The following MSH4 variants were observed in gnomAD, a reference collection of about 807,000 sequenced individuals.
MSH4 encodes the protein mutS homolog 4.
In MSH4, 106 loss-of-function variants were observed where a neutral mutation model predicts 113.7. The ratio of observed to expected loss-of-function variants is 0.93; its 90% CI spans 0.80 to 1.10. MSH4 has a LOEUF of 1.10. Ranked by LOEUF, MSH4 falls within the 50% of genes least tolerant of loss-of-function variation. MSH4 has a pLI of 0.00. For synonymous variants in MSH4, 368 were observed against 380.2 expected, an observed-to-expected ratio of 0.97 and a Z score of 0.37; for missense variants, 1,061 against 1,093.7, an observed-to-expected ratio of 0.97 and a Z score of 0.42.
chr1:75,801,392 CT>C (rs1475404469), intron 1 of MSH4, among the ~76,000 whole-genome samples: 1 of 151,574 alleles, frequency 6.6e-6, no homozygotes, highest in Non-Finnish European at 1.5e-5. Flanking sequence ...TGACAAAACC[CT>C]GTCTCTATTA....
In MSH4 at chr1:75,899,452, C is replaced by T. The variant is rs190540318; in HGVS notation, c.2531-166C>T. Reference sequence around the variant, plus strand: ...TTAAATCTAATAATTGGCAAGTTGTCATCCAGAATTTTAGAAAGCTTAATT... The same window carrying T: ...TTAAATCTAATAATTGGCAAGTTGTTATCCAGAATTTTAGAAAGCTTAATT... On this transcript the variant is annotated intron_variant, in intron 18 of 19. Coordinates refer to ENST00000263187, the MANE Select transcript of MSH4 (RefSeq NM_002440.4). Among the ~76,000 whole-genome samples, 15 of 152,222 alleles carry T rather than the reference C, an allele frequency of 9.9e-5. No homozygotes were observed. The East Asian group carries it at 2.7e-3, about 27-fold the overall frequency.
chr1:75,825,755 A>G (rs1650532453), intron 7 of MSH4, among the ~76,000 whole-genome samples: 1 of 152,072 alleles, frequency 6.6e-6, no homozygotes, highest in South Asian at 2.1e-4. Context: ...TGTTTATGTG[A>G]CAGATTACAT....
intron 4 of MSH4, among the ~76,000 whole-genome samples, chr1:75,814,251 G>T (rs904919819): frequency 8.7e-5 from 12 of 138,210 alleles, no homozygotes; most frequent in African/African-American, 3.0e-4. Context: ...CCAGGAGTTT[G>T]ACACCAGCCT....
chr1:75,858,660 C>T (rs970186854), intron 8 of MSH4, among the ~76,000 whole-genome samples: 14 of 152,254 alleles, frequency 9.2e-5, no homozygotes, highest in South Asian at 2.1e-4. Context: ...CTGCTGGATT[C>T]GGTTTGCCAG....
chr1:75,885,444 C>T (rs1339766372), intron 15 of MSH4, among the ~76,000 whole-genome samples: 2 of 109,974 alleles, frequency 1.8e-5, no homozygotes, highest in East Asian at 2.6e-4. Context: ...TGTGTATATA[C>T]ATATATATAT....
At chr1:75,804,499 C>CTTTT (rs5775308) in intron 2 of MSH4, among the ~76,000 whole-genome samples, 6 of 123,242 alleles carry the variant, frequency 4.9e-5, no homozygotes, top group Admixed American at 1.7e-4. Context: ...TATGACCTTC[C>CTTTT]TTTTTTTTTT....
chr1:75,799,211 C>T (rs982609050), intron 1 of MSH4, among the ~76,000 whole-genome samples: 1 of 152,118 alleles, frequency 6.6e-6, no homozygotes, highest in Non-Finnish European at 1.5e-5. Flanking sequence ...TTATATGCAC[C>T]TACTTTGTTC....
Position 75,815,071 on chromosome 1 carries a change from A to T in MSH4, c.750A>T (p.Gly250=). The change falls in exon 5 of 20, where the codon GGA becomes GGT. Residue 250 remains glycine (G), a synonymous_variant. Transcript: ENST00000263187. ...IQRKYFNETK[G]LEYIEQLCIA... The stretch of plus-strand genomic sequence containing the variant: ...GGAAATACTTCAATGAAACAAAAGG[A>T]TTAGAGTACATTGAACAGTTATGCA... The T allele has an allele frequency of 6.2e-7, 1 of 1,607,634 alleles. No homozygotes were observed. Among genetic ancestry groups the T allele is most frequent in the Non-Finnish European group, 8.5e-7 (1 of 1,176,452 alleles).
chr1:75,855,607 A>G (rs149983779), intron 8 of MSH4, among the ~76,000 whole-genome samples: 1,953 of 152,098 alleles, frequency 0.013, 24 homozygotes, highest in Non-Finnish European at 0.016. Context: ...CTGTGTTTCC[A>G]CGTGTTCACA....
At chr1:75,840,278 A>G (rs1650925124) in intron 7 of MSH4, among the ~76,000 whole-genome samples, 1 of 141,892 alleles carries the variant, frequency 7.0e-6, no homozygotes, top group Admixed American at 7.3e-5. Context: ...CCAAATGTCC[A>G]ACAATGATAG....
At chr1:75,834,422 A>G (rs1176467925) in intron 7 of MSH4, among the ~76,000 whole-genome samples, 1 of 152,228 alleles carries the variant, frequency 6.6e-6, no homozygotes, top group East Asian at 1.9e-4. Flanking sequence ...GAGCCATCCC[A>G]TTACTGGGCA....
At chr1:75,861,707 C>T (rs1651458277) in intron 8 of MSH4, among the ~76,000 whole-genome samples, 1 of 152,202 alleles carries the variant, frequency 6.6e-6, no homozygotes, top group African/African-American at 2.4e-5. Flanking sequence ...GTCTCCAAGT[C>T]AGGCTACACA....
intron 19 of MSH4, among the ~76,000 whole-genome samples, chr1:75,911,426 T>C (rs2100600784): frequency 6.6e-6 from 1 of 152,276 alleles, no homozygotes; most frequent in East Asian, 1.9e-4. Context: ...TCTATCAGGA[T>C]TAATTTCAAT....
chr1:75,813,916 T>C (rs1650240072), intron 4 of MSH4, among the ~76,000 whole-genome samples: 2 of 152,036 alleles, frequency 1.3e-5, no homozygotes, highest in South Asian at 4.1e-4. Flanking sequence ...TTCAAAGAAA[T>C]CTAAATTTGA....
At chr1:75,903,232 AAT>A (rs1652548583) in intron 19 of MSH4, among the ~76,000 whole-genome samples, 1 of 151,986 alleles carries the variant, frequency 6.6e-6, no homozygotes, top group Admixed American at 6.6e-5. Context: ...TATGGTAAGA[AAT>A]ATGAGTCTGG....
At chr1:75,897,795 T>C in intron 17 of MSH4, 112 bp from the exon 18 acceptor site, 1 of 563,922 alleles carries the variant, frequency 1.8e-6, no homozygotes, top group Non-Finnish European at 2.8e-6. Flanking sequence ...TTCCTACATC[T>C]CTGCCAAGCT....
At chr1:75,856,647 A>G (rs1420829917) in intron 8 of MSH4, among the ~76,000 whole-genome samples, 2 of 152,186 alleles carry the variant, frequency 1.3e-5, no homozygotes, top group East Asian at 3.9e-4. Flanking sequence ...ACAGTATTCC[A>G]TGGTGTATAT....
chr1:75,885,962 ATATAGCATGTATAGTATATATGATGTAT>A (rs1188144945), intron 15 of MSH4, among the ~76,000 whole-genome samples: 25 of 117,402 alleles, frequency 2.1e-4, no homozygotes, highest in Non-Finnish European at 3.4e-4. Context: ...ATGATGTATT[ATATAGCATGTATAGTATATATGATGTAT>A]TATATAGCAT....
At chr1:75,850,812 A>G (rs562778962) in intron 8 of MSH4, among the ~76,000 whole-genome samples, 3 of 151,836 alleles carry the variant, frequency 2.0e-5, no homozygotes, top group Non-Finnish European at 4.4e-5. Context: ...GGATTTGTCT[A>G]TTTTTCCTTT....
Sources: allele counts gnomAD v4.1 joint callset (sites outside exome capture counted in the v4.1 genomes callset), GRCh38; gene constraint gnomAD v4.1.1; transcripts MANE v1.5; gene names NCBI Gene and HGNC (gene_info 2026-07-23, HGNC 2026-07-21).